The following FAM171A1 variants were observed in gnomAD, a reference collection of about 807,000 sequenced individuals.
FAM171A1 encodes the protein family with sequence similarity 171 member A1.
A neutral mutation model predicts 74.9 loss-of-function variants in FAM171A1; 23 were observed. The observed-to-expected ratio is 0.31, with a 90% CI of 0.22 to 0.44. FAM171A1 has a LOEUF of 0.44. Among genes scored for constraint, FAM171A1 ranks in the 20% least tolerant of loss-of-function variants. The probability of loss-of-function intolerance (pLI) is 1.00; values close to 1 mark genes in which losing one functional copy is unlikely to be tolerated. For synonymous variants in FAM171A1, 527 were observed against 505.7 expected, an observed-to-expected ratio of 1.04 and a Z score of -0.57; for missense variants, 1,162 against 1,159.2, an observed-to-expected ratio of 1.00 and a Z score of -0.03.
chr10:15,298,048 G>C (rs2131824189), intron 1 of FAM171A1, among the ~76,000 whole-genome samples: 1 of 151,958 alleles, frequency 6.6e-6, no homozygotes, highest in Admixed American at 6.6e-5. Flanking sequence ...AAAATTAACA[G>C]AATCTTCCTA....
intron 1 of FAM171A1, among the ~76,000 whole-genome samples, chr10:15,351,600 G>GATGGATGGATGGATGC (rs1835879288): frequency 6.6e-6 from 1 of 151,136 alleles, no homozygotes; most frequent in African/African-American, 2.4e-5. Context: ...TGGATGCATG[G>GATGGATGGATGGATGC]ATGGATGGAT....
chr10:15,317,557 G>A (rs1835437824), intron 1 of FAM171A1, among the ~76,000 whole-genome samples: 1 of 151,952 alleles, frequency 6.6e-6, no homozygotes, highest in Non-Finnish European at 1.5e-5. Context: ...ACCACGCCTG[G>A]CTAATTTTTG....
chr10:15,283,930 C>T lies in FAM171A1; in HGVS notation c.273G>A (p.Ser91=), dbSNP rs372916877. 1.1e-5 allele frequency: 17 copies of T among 1,614,134 alleles called. No individual in the cohort carries two copies. The highest frequency in any genetic ancestry group is 7.7e-5 in the South Asian group (7 of 91,078). Residue 91 remains serine (S), a synonymous_variant, in exon 2 of 8, where the codon TCG becomes TCA. Coordinates refer to ENST00000378116, the MANE Select transcript of FAM171A1 (RefSeq NM_001010924.2). ...CAGAGTTTGGCACGTAGGCATGCTT[C>T]GAGGCGGTGACAATCAACTGACTGC... ...KLGSQLIVTA[S]KHAYVPNSAP...
intron 1 of FAM171A1, among the ~76,000 whole-genome samples, chr10:15,348,993 T>C (rs1006944562): frequency 6.6e-6 from 1 of 152,226 alleles, no homozygotes; most frequent in African/African-American, 2.4e-5. Context: ...CCATCTCAAA[T>C]TGTATCAACT....
chr10:15,347,154 G>A (rs1472656650), intron 1 of FAM171A1, among the ~76,000 whole-genome samples: 1 of 152,076 alleles, frequency 6.6e-6, no homozygotes, highest in East Asian at 1.9e-4. Flanking sequence ...GAACCCCAAA[G>A]AGCACTCATA....
intron 1 of FAM171A1, among the ~76,000 whole-genome samples, chr10:15,299,679 T>G (rs968131594): frequency 6.6e-6 from 1 of 151,872 alleles, no homozygotes; most frequent in Non-Finnish European, 1.5e-5. Context: ...ATTAATTATT[T>G]TAGAATTAAA....
intron 1 of FAM171A1, among the ~76,000 whole-genome samples, chr10:15,329,529 G>A (rs906573438): frequency 3.3e-5 from 5 of 151,804 alleles, no homozygotes; most frequent in Non-Finnish European, 7.4e-5. Flanking sequence ...AGGAGAATGA[G>A]GTAGGAGGAT....
intron 2 of FAM171A1, among the ~76,000 whole-genome samples, chr10:15,278,450 G>A (rs1362923293): frequency 6.6e-6 from 1 of 152,080 alleles, no homozygotes; most frequent in East Asian, 1.9e-4. Flanking sequence ...CTCACACATC[G>A]ATGTTTGCAG....
intron 1 of FAM171A1, among the ~76,000 whole-genome samples, chr10:15,341,690 G>C (rs1367448785): frequency 6.6e-6 from 1 of 152,204 alleles, no homozygotes; most frequent in African/African-American, 2.4e-5. Context: ...CTGTGCCAAA[G>C]TTATCAGAGA....
intron 1 of FAM171A1, among the ~76,000 whole-genome samples, chr10:15,320,879 G>A (rs1835479003): frequency 6.6e-6 from 1 of 152,216 alleles, no homozygotes; most frequent in Non-Finnish European, 1.5e-5. Flanking sequence ...AATTATCAAT[G>A]AAAAGTATGA....
intron 5 of FAM171A1, among the ~76,000 whole-genome samples, chr10:15,231,092 C>T (rs1834199337): frequency 6.6e-6 from 1 of 152,218 alleles, no homozygotes; most frequent in Non-Finnish European, 1.5e-5. Context: ...AGAGAAATTA[C>T]AAATCTGGAG....
intron 2 of FAM171A1, among the ~76,000 whole-genome samples, chr10:15,277,342 C>G (rs1370666581): frequency 1.3e-5 from 2 of 152,012 alleles, no homozygotes; most frequent in East Asian, 3.9e-4. Context: ...CTCAGCCTCC[C>G]GAATAGCTGG....
intron 5 of FAM171A1, among the ~76,000 whole-genome samples, chr10:15,246,855 C>A (rs1029947496): frequency 6.6e-6 from 1 of 152,154 alleles, no homozygotes; most frequent in African/African-American, 2.4e-5. Context: ...ACTTTCAGGG[C>A]ACTAGGAAGC....
At chr10:15,306,457 T>C (rs931593876) in intron 1 of FAM171A1, among the ~76,000 whole-genome samples, 40 of 151,962 alleles carry the variant, frequency 2.6e-4, no homozygotes, top group East Asian at 1.9e-4. Context: ...CTCTGCCTCC[T>C]GGGTTCAAGC....
intron 1 of FAM171A1, among the ~76,000 whole-genome samples, chr10:15,316,514 T>G (rs1236848386): frequency 6.6e-6 from 1 of 152,174 alleles, no homozygotes; most frequent in Non-Finnish European, 1.5e-5. Flanking sequence ...AAGAAACCAT[T>G]CCAGTCTGCA....
chr10:15,241,767 C>T (rs955853174), intron 5 of FAM171A1: 1 of 152,052 alleles, frequency 6.6e-6, no homozygotes, highest in Admixed American at 6.6e-5. Context: ...TGAATCCACC[C>T]TCTTAGTAAA....
chr10:15,213,110 GCCA>G lies in FAM171A1; in HGVS notation c.2475_2477del (p.Gly826del), dbSNP rs377569437. On this transcript the variant is annotated inframe_deletion, in exon 8 of 8. Coordinates refer to ENST00000378116, the MANE Select transcript of FAM171A1 (RefSeq NM_001010924.2). This position sits in a 1 kb window ranked among gnomAD's most constrained non-coding sequence, Gnocchi z 6.8. ...TCTCCTCCTGCAGGCTGGGCAGCTG[GCCA>G]CCACTTCTCCGACTCGACCCCTCCA... 1.5e-5 allele frequency: 25 copies of G among 1,613,628 alleles called. No individual in the cohort carries two copies. Among genetic ancestry groups the G allele is most frequent in the Admixed American group, 8.3e-5 (5 of 59,982 alleles).
At chr10:15,325,261 C>T (rs1233488670) in intron 1 of FAM171A1, among the ~76,000 whole-genome samples, 1 of 152,100 alleles carries the variant, frequency 6.6e-6, no homozygotes, top group Non-Finnish European at 1.5e-5. Context: ...TTTGGCAGGC[C>T]GAGGTGGGCA....
chr10:15,354,665 A>G (rs1835914130), intron 1 of FAM171A1, among the ~76,000 whole-genome samples: 1 of 152,224 alleles, frequency 6.6e-6, no homozygotes, highest in Non-Finnish European at 1.5e-5. Flanking sequence ...GCTGGGCTGC[A>G]GCTCCCGCTG....
Sources: allele counts gnomAD v4.1 joint callset (sites outside exome capture counted in the v4.1 genomes callset), GRCh38; gene constraint gnomAD v4.1.1; non-coding constraint Gnocchi (gnomAD v3.1); transcripts MANE v1.5; gene names NCBI Gene and HGNC (gene_info 2026-07-23, HGNC 2026-07-21).